Variants in PRDM1 observed in about 807,000 individuals in gnomAD.
The protein encoded by PRDM1 is PR domain zinc finger protein 1.
In PRDM1, 13 loss-of-function variants were observed where a neutral mutation model predicts 62.8. The observed-to-expected ratio is 0.21, with a 90% confidence interval of 0.13 to 0.33. The LOEUF (loss-of-function observed/expected upper bound fraction) is 0.33, where lower values mean the gene tolerates loss of function less well. PRDM1 is among the 10% of genes least tolerant of loss of function. The pLI is 1.00. For synonymous variants in PRDM1, 396 were observed against 417.6 expected (o/e 0.95, Z 0.63); for missense variants, 895 against 1,058.8 (o/e 0.85, Z 2.15).
intron 1 of PRDM1, among the ~76,000 whole-genome samples, chr6:105,996,783 G>C (rs543039229): frequency 1.5e-4 from 23 of 152,282 alleles, no homozygotes; most frequent in African/African-American, 5.3e-4. Context: ...AGGGTGAAGG[G>C]TAGATAGGGC....
chr6:106,068,771 C>G (rs558752561), intron 1 of PRDM1, among the ~76,000 whole-genome samples: 1 of 152,334 alleles, frequency 6.6e-6, no homozygotes, highest in South Asian at 2.1e-4. Context: ...AGAGGACATA[C>G]AGGCATTTTT....
chr6:106,097,281 GTC>G (rs1038291877), intron 3 of PRDM1, among the ~76,000 whole-genome samples: 1 of 152,242 alleles, frequency 6.6e-6, no homozygotes, highest in Non-Finnish European at 1.5e-5. Context: ...TCCAGCATAA[GTC>G]TCATTAATGT....
chr6:106,042,545 A>AAAC (rs970454256), intron 1 of PRDM1, among the ~76,000 whole-genome samples: 25 of 151,610 alleles, frequency 1.6e-4, no homozygotes, highest in African/African-American at 2.9e-4. Context: ...AAAAACAAAC[A>AAAC]AACAACAACA....
chr6:106,043,879 A>T (rs1431230835), upstream of PRDM1, among the ~76,000 whole-genome samples: 1 of 152,166 alleles, frequency 6.6e-6, no homozygotes, highest in African/African-American at 2.4e-5. Flanking sequence ...TGGTATCAAG[A>T]TTGCTCAGTG....
In PRDM1 at chr6:106,086,387, G is replaced by T. The variant is rs555016204; in HGVS notation, c.-167G>T. On this transcript the variant is annotated 5_prime_UTR_variant, in exon 1 of 7. Coordinates refer to ENST00000369096, the MANE Select transcript of PRDM1 (RefSeq NM_001198.4). Reference sequence around the variant, plus strand: ...CTCGGCCCTCCAGTGTTGCGGAGAGGCAAGAGCAGCGACCGCGGCACCTGT... The same window carrying T: ...CTCGGCCCTCCAGTGTTGCGGAGAGTCAAGAGCAGCGACCGCGGCACCTGT... 3.4e-6 allele frequency: 2 copies of T among 596,444 alleles called. No homozygotes were observed. The highest frequency in any genetic ancestry group is 6.0e-6 in the Non-Finnish European group (2 of 333,166). 36.9% of individuals were successfully genotyped at this position (596,444 alleles called of 1,614,324 possible).
At chr6:106,086,700 A>G in intron 1 of PRDM1, 105 bp downstream of exon 1, 1 of 1,051,882 alleles carries the variant, frequency 9.5e-7, no homozygotes, top group Non-Finnish European at 1.4e-6. Context: ...CTAATGTCGC[A>G]GTAGAAACAT....
At chr6:106,038,014 C>CTTTTGTTTTTTTTTTTTT (rs1772944945) in intron 1 of PRDM1, among the ~76,000 whole-genome samples, 1 of 47,800 alleles carries the variant, frequency 2.1e-5, no homozygotes, top group Non-Finnish European at 3.5e-5. Flanking sequence ...CTATTTTTGT[C>CTTTTGTTTTTTTTTTTTT]TTTTTTTTTT....
chr6:106,069,911 CTG>C (rs1470310333), intron 1 of PRDM1, among the ~76,000 whole-genome samples: 6 of 152,314 alleles, frequency 3.9e-5, no homozygotes, highest in African/African-American at 1.4e-4. Flanking sequence ...TGGCCTGTGA[CTG>C]TGTTAACTGA....
At chr6:106,005,240 G>A (rs1170133869) in intron 1 of PRDM1, among the ~76,000 whole-genome samples, 2 of 152,220 alleles carry the variant, frequency 1.3e-5, no homozygotes, top group African/African-American at 4.8e-5. Context: ...AGTGACTTAA[G>A]AGGATTTCTT....
At chr6:106,054,680 C>A (rs1773235086) in intron 1 of PRDM1, among the ~76,000 whole-genome samples, 1 of 152,336 alleles carries the variant, frequency 6.6e-6, no homozygotes, top group Middle Eastern at 3.4e-3. Context: ...GTGCATTTTA[C>A]TTCTTCAGGT....
intron 1 of PRDM1, among the ~76,000 whole-genome samples, chr6:106,070,550 C>G: frequency 6.6e-6 from 1 of 151,710 alleles, no homozygotes; most frequent in Non-Finnish European, 1.5e-5. Context: ...AAATTATTTC[C>G]CTGTGGATAT....
At chr6:106,054,925 T>A (rs1562154560) in intron 1 of PRDM1, among the ~76,000 whole-genome samples, 1 of 152,236 alleles carries the variant, frequency 6.6e-6, no homozygotes, top group African/African-American at 2.4e-5. Flanking sequence ...TCTGAATTCA[T>A]AGCGAGAATA....
intron 1 of PRDM1, among the ~76,000 whole-genome samples, chr6:106,004,531 G>A (rs1223053493): frequency 6.6e-6 from 1 of 152,180 alleles, no homozygotes; most frequent in Non-Finnish European, 1.5e-5. Context: ...TTTGACAAAA[G>A]AGCCAAGTGA....
At chr6:106,011,817 C>T (rs902263513) in intron 1 of PRDM1, among the ~76,000 whole-genome samples, 4 of 152,014 alleles carry the variant, frequency 2.6e-5, no homozygotes, top group Admixed American at 6.6e-5. Flanking sequence ...CTCACATACA[C>T]ACCCCCACAC....
chr6:106,002,584 T>TTTAAA (rs1772439584), intron 1 of PRDM1, among the ~76,000 whole-genome samples: 3 of 152,228 alleles, frequency 2.0e-5, no homozygotes, highest in Non-Finnish European at 4.4e-5. Flanking sequence ...TAAAATGTAT[T>TTTAAA]CTGCTTTATA....
chr6:106,091,834 G>A (rs1305622611), intron 2 of PRDM1, among the ~76,000 whole-genome samples: 2 of 152,090 alleles, frequency 1.3e-5, no homozygotes, highest in Non-Finnish European at 2.9e-5. Flanking sequence ...GCAAAACCCT[G>A]TTTCTAAATA....
intron 1 of PRDM1, among the ~76,000 whole-genome samples, chr6:106,019,637 CTTTT>C (rs754946092): frequency 3.0e-5 from 4 of 132,920 alleles, no homozygotes; most frequent in Admixed American, 7.5e-5. Context: ...TTTTTCTTTT[CTTTT>C]TTTTTTTTTT....
chr6:106,083,137 G>A (rs1481157312), upstream of PRDM1, among the ~76,000 whole-genome samples: 1 of 149,388 alleles, frequency 6.7e-6, no homozygotes, highest in African/African-American at 2.5e-5. Flanking sequence ...CCTCTCTCAG[G>A]CTCAGGCTTA....
At chr6:106,083,723 A>G (rs917849899), upstream of PRDM1, among the ~76,000 whole-genome samples, 1 of 152,250 alleles carries the variant, frequency 6.6e-6, no homozygotes, top group Non-Finnish European at 1.5e-5. Flanking sequence ...ATGCTGATTA[A>G]TAAAGATAAC....
Sources: allele counts gnomAD v4.1 joint callset (sites outside exome capture counted in the v4.1 genomes callset), GRCh38; gene constraint gnomAD v4.1.1; transcripts MANE v1.5; gene names NCBI Gene and HGNC (gene_info 2026-07-23, HGNC 2026-07-21).